The following MPHOSPH9 variants were observed in gnomAD, a reference collection of about 807,000 sequenced individuals.
MPHOSPH9 encodes the protein M-phase phosphoprotein 9.
A neutral mutation model predicts 145.5 loss-of-function variants in MPHOSPH9; 88 were observed. That is an observed-to-expected ratio of 0.60 (90% confidence interval 0.51 to 0.72). The LOEUF is 0.72. Ranked by LOEUF, MPHOSPH9 falls within the 30% of genes least tolerant of loss-of-function variation. The pLI, the probability that MPHOSPH9 is intolerant of heterozygous loss-of-function variation, is 0.00. For synonymous variants in MPHOSPH9, 435 were observed against 486.2 expected, an observed-to-expected ratio of 0.89 and a Z score of 1.39; for missense variants, 1,238 against 1,386.6, an observed-to-expected ratio of 0.89 and a Z score of 1.70.
chr12:123,240,387 C>T (rs1485572467), intron 1 of MPHOSPH9: 1 of 151,960 alleles, frequency 6.6e-6, no homozygotes, highest in Non-Finnish European at 1.5e-5. Context: ...CAGGCCTCGC[C>T]CCAGACCTAG....
chr12:123,173,561 A>T (rs888972156), intron 16 of MPHOSPH9, among the ~76,000 whole-genome samples: 1 of 152,094 alleles, frequency 6.6e-6, no homozygotes, highest in Admixed American at 6.6e-5. Context: ...CTGGGTTTAG[A>T]TCACATCCTT....
At chr12:123,185,316 G>A (rs1326130124) in intron 13 of MPHOSPH9, among the ~76,000 whole-genome samples, 2 of 149,770 alleles carry the variant, frequency 1.3e-5, no homozygotes, top group African/African-American at 4.9e-5. Context: ...CAGAAAAAGA[G>A]TTGTTAGAAA....
chr12:123,208,014 G>A (rs2046517593), intron 8 of MPHOSPH9, among the ~76,000 whole-genome samples: 1 of 150,804 alleles, frequency 6.6e-6, no homozygotes, highest in Non-Finnish European at 1.5e-5. Flanking sequence ...TGATGTGGGT[G>A]GATCACCAGC....
intron 13 of MPHOSPH9, among the ~76,000 whole-genome samples, chr12:123,190,087 AG>A (rs1299415391): frequency 6.6e-6 from 1 of 152,118 alleles, no homozygotes; most frequent in East Asian, 1.9e-4. Context: ...AGTTACTCCC[AG>A]GAAGACAGAA....
At chr12:123,166,526 T>C in intron 17 of MPHOSPH9, 129 bp downstream of exon 17, 1 of 1,057,316 alleles carries the variant, frequency 9.5e-7, no homozygotes, top group Non-Finnish European at 1.4e-6. Context: ...CAAAGTAAAA[T>C]AAAAGTCAGG....
intron 13 of MPHOSPH9, among the ~76,000 whole-genome samples, chr12:123,193,548 G>C (rs1007538090): frequency 1.1e-4 from 16 of 152,028 alleles, no homozygotes; most frequent in Admixed American, 9.8e-4. Flanking sequence ...TACTCAGAAG[G>C]CTGAAAGGAG....
chr12:123,218,293 A>G (rs771318492), intron 6 of MPHOSPH9, 83 bp downstream of exon 6: 1 of 1,534,108 alleles, frequency 6.5e-7, no homozygotes, highest in Non-Finnish European at 8.8e-7. Flanking sequence ...AAGAAAGGGC[A>G]CAAGAGTTTT....
At chr12:123,226,308 G>A (rs2047434048) in intron 3 of MPHOSPH9, 4 of 1,146,116 alleles carry the variant, frequency 3.5e-6, no homozygotes, top group African/African-American at 3.3e-5. Context: ...TGCTGCTATC[G>A]AATTCTTAAA....
chr12:123,164,437 C>G (rs1199623338), intron 18 of MPHOSPH9, among the ~76,000 whole-genome samples: 1 of 151,960 alleles, frequency 6.6e-6, no homozygotes, highest in Non-Finnish European at 1.5e-5. Flanking sequence ...GAGATGTAAC[C>G]GCAAAGACGC....
At chr12:123,191,050 G>A (rs1239380295) in intron 13 of MPHOSPH9, among the ~76,000 whole-genome samples, 5 of 152,116 alleles carry the variant, frequency 3.3e-5, no homozygotes, top group African/African-American at 7.2e-5. Context: ...GGCCAGGCGC[G>A]GTGGCTCATG....
chr12:123,168,301 G>A (rs117169430), intron 16 of MPHOSPH9, among the ~76,000 whole-genome samples: 1,924 of 151,454 alleles, frequency 0.013, 20 homozygotes, highest in Non-Finnish European at 0.022. Flanking sequence ...CACCTCAAGC[G>A]GACACCCCAA....
intron 13 of MPHOSPH9, among the ~76,000 whole-genome samples, chr12:123,185,499 T>C (rs1423913231): frequency 2.0e-5 from 3 of 152,062 alleles, no homozygotes; most frequent in Non-Finnish European, 4.4e-5. Flanking sequence ...ATCCCAGCAC[T>C]TTGGGAGGCC....
chr12:123,179,794 G>T, intron 15 of MPHOSPH9, 132 bp downstream of exon 15: 1 of 455,244 alleles, frequency 2.2e-6, no homozygotes. Flanking sequence ...CATGTCAAGG[G>T]AAAATTAAGA....
intron 1 of MPHOSPH9, chr12:123,243,816 G>A (rs556115629): frequency 2.6e-5 from 4 of 152,308 alleles, no homozygotes; most frequent in African/African-American, 7.2e-5. Context: ...TAACCTAGAA[G>A]CTTACATGTA....
chr12:123,188,128 AAAAC>A (rs1390275070), intron 13 of MPHOSPH9, among the ~76,000 whole-genome samples: 4 of 152,306 alleles, frequency 2.6e-5, no homozygotes, highest in East Asian at 1.9e-4. Context: ...CTCCATCTCA[AAAAC>A]AAACAAACAA....
At chr12:123,236,993 G>A (rs947286474), upstream of MPHOSPH9, among the ~76,000 whole-genome samples, 2 of 152,148 alleles carry the variant, frequency 1.3e-5, no homozygotes, top group Non-Finnish European at 2.9e-5. Flanking sequence ...GCTGAGGCAG[G>A]AGAATTGCTT....
intron 13 of MPHOSPH9, among the ~76,000 whole-genome samples, chr12:123,192,202 C>T (rs1466003578): frequency 1.3e-5 from 2 of 152,016 alleles, no homozygotes; most frequent in African/African-American, 2.4e-5. Flanking sequence ...CCCTGTAATC[C>T]CTGCACTTTG....
chr12:123,218,326 C>G, intron 6 of MPHOSPH9, 50 bp downstream of exon 6: 1 of 1,607,892 alleles, frequency 6.2e-7, no homozygotes, highest in Non-Finnish European at 8.5e-7. Flanking sequence ...GTACTAAACC[C>G]ACATAATCAT....
chr12:123,212,295 A>G (rs1226002742), intron 7 of MPHOSPH9, among the ~76,000 whole-genome samples: 3 of 152,152 alleles, frequency 2.0e-5, no homozygotes, highest in Admixed American at 2.0e-4. Flanking sequence ...GCTCCCTCAT[A>G]CAGGGAAAAG....
Sources: gnomAD v4.1 joint callset for allele counts (sites outside exome capture counted in the v4.1 genomes callset) on GRCh38, gnomAD v4.1.1 for gene constraint, MANE v1.5 for transcripts, NCBI Gene and HGNC (gene_info 2026-07-23, HGNC 2026-07-21) for gene names.